Variants in ZNF454 observed in about 807,000 individuals in gnomAD.
ZNF454 encodes zinc finger protein 454.
Under a neutral mutation model 48.2 loss-of-function variants are expected in ZNF454, and 30 were observed. The observed-to-expected ratio is 0.62, with a 90% CI of 0.47 to 0.84. ZNF454 has a LOEUF of 0.84. ZNF454 is among the 40% of genes least tolerant of loss of function. ZNF454 has a pLI of 0.00. For synonymous variants in ZNF454, 204 were observed against 211.4 expected, an observed-to-expected ratio of 0.97 and a Z score of 0.30; for missense variants, 510 against 623.1, an observed-to-expected ratio of 0.82 and a Z score of 1.93.
At chr5:178,984,542 G>A in the ZNF454 span, among the ~76,000 whole-genome samples, 1 of 152,152 alleles carries the variant, frequency 6.6e-6, no homozygotes, top group African/African-American at 2.4e-5. Context: ...AGTGTGGGGC[G>A]GGCAGTGGCT....
chr5:178,985,916 C>T, the ZNF454 span: 10 of 590,498 alleles, frequency 1.7e-5, no homozygotes, highest in African/African-American at 3.7e-5. Flanking sequence ...CACGCACCAC[C>T]ATGCCTGGCT....
At chr5:178,949,913 CCT>C (rs1759487848) in intron 4 of ZNF454, among the ~76,000 whole-genome samples, 1 of 152,124 alleles carries the variant, frequency 6.6e-6, no homozygotes, top group South Asian at 2.1e-4. Flanking sequence ...CCACGCCCGG[CCT>C]CTGTTTCATT....
At chr5:178,972,415 T>G in the ZNF454 span, among the ~76,000 whole-genome samples, 1 of 152,104 alleles carries the variant, frequency 6.6e-6, no homozygotes, top group African/African-American at 2.4e-5. Context: ...CATGAGCCCC[T>G]AGAAGCATTC....
intron 4 of ZNF454, among the ~76,000 whole-genome samples, chr5:178,959,486 T>A (rs1290709025): frequency 6.6e-6 from 1 of 152,218 alleles, no homozygotes; most frequent in African/African-American, 2.4e-5. Flanking sequence ...AATTTTAGAA[T>A]TGGCTATTCA....
the ZNF454 span, chr5:178,982,743 A>T: frequency 1.6e-6 from 1 of 626,510 alleles, no homozygotes; most frequent in Non-Finnish European, 2.9e-6. Context: ...AGGGGTTAGA[A>T]GCTTGGAAAA....
chr5:178,970,804 G>A (rs1318873423), downstream of ZNF454, among the ~76,000 whole-genome samples: 1 of 152,186 alleles, frequency 6.6e-6, no homozygotes, highest in African/African-American at 2.4e-5. Flanking sequence ...CAGTTTCTAA[G>A]ATGTACAAGT....
At chr5:178,975,234 T>C in the ZNF454 span, among the ~76,000 whole-genome samples, 1 of 152,086 alleles carries the variant, frequency 6.6e-6, no homozygotes, top group African/African-American at 2.4e-5. Context: ...TGAGCTCAGA[T>C]CACGCCACTG....
At position 178,941,875 on chromosome 5, in the gene ZNF454, G is replaced by C. The variant is rs1394151209; in HGVS notation, c.-108+431G>C. 6.6e-6 allele frequency among the ~76,000 whole-genome samples: 1 copy of C among 152,202 alleles called. No homozygotes were observed. Among genetic ancestry groups the C allele is most frequent in the South Asian group, 2.1e-4 (1 of 4,828 alleles). On this transcript the variant is annotated intron_variant, in intron 1 of 4. Coordinates refer to ENST00000519564, the MANE Select transcript of ZNF454 (RefSeq NM_001178089.3). The surrounding 1 kb of genome is among the most constrained non-coding windows in gnomAD (Gnocchi z 5.5). ...AGGCCAGAGAAGGGTTTGCCTGAGAGGCTTCGACAGTGAAGAGCCTTCTTA... is the reference window on the plus strand; with the variant it reads ...AGGCCAGAGAAGGGTTTGCCTGAGACGCTTCGACAGTGAAGAGCCTTCTTA...
At chr5:178,986,139 G>A in the ZNF454 span, 2 of 1,613,624 alleles carry the variant, frequency 1.2e-6, no homozygotes, top group Non-Finnish European at 1.7e-6. Flanking sequence ...CCTGCAGGGA[G>A]GTGAGGCTGA....
the ZNF454 span, chr5:178,976,190 A>G: frequency 9.6e-6 from 4 of 416,690 alleles, no homozygotes; most frequent in African/African-American, 8.2e-5. Context: ...GGATTGCCCT[A>G]TTCAAAATTG....
chr5:178,943,986 CA>C (rs1362150706), intron 2 of ZNF454, among the ~76,000 whole-genome samples: 2 of 152,136 alleles, frequency 1.3e-5, no homozygotes, highest in African/African-American at 4.8e-5. Context: ...AAGATTGTGC[CA>C]GTGCACTCCA....
the ZNF454 span, chr5:178,985,531 G>A: frequency 1.5e-3 from 500 of 338,026 alleles, 4 homozygotes; most frequent in Non-Finnish European, 1.1e-3. Context: ...GTGAAGCCCT[G>A]TCTCTACTAA....
the ZNF454 span, chr5:178,981,899 C>T: frequency 8.6e-7 from 1 of 1,160,750 alleles, no homozygotes; most frequent in Non-Finnish European, 1.3e-6. This position sits in a 1 kb window ranked among gnomAD's most constrained non-coding sequence, Gnocchi z 5.1. Context: ...GCCCTGCTCT[C>T]CCTGCCCCGC....
the ZNF454 span, among the ~76,000 whole-genome samples, chr5:178,972,753 TG>T: frequency 6.6e-6 from 1 of 151,620 alleles, no homozygotes; most frequent in Non-Finnish European, 1.5e-5. Flanking sequence ...CTGAGCCACG[TG>T]GGGGTGAGAG....
the ZNF454 span, chr5:178,990,000 A>C: frequency 1.0e-5 from 2 of 199,192 alleles, no homozygotes. Flanking sequence ...CCCAGATGCA[A>C]CGTAGCTGAA....
chr5:178,981,173 C>T, the ZNF454 span: 1 of 177,772 alleles, frequency 5.6e-6, no homozygotes, highest in Admixed American at 5.5e-5. The surrounding 1 kb of genome is among the most constrained non-coding windows in gnomAD (Gnocchi z 5.1). Flanking sequence ...CTGAGTGCCT[C>T]CATCCAGATG....
chr5:178,946,258 C>G lies in ZNF454; in HGVS notation c.34-101C>G. 6.6e-7 allele frequency: 1 copy of G among 1,520,262 alleles called. No homozygotes were observed. The highest frequency in any genetic ancestry group is 8.9e-7 in the Non-Finnish European group (1 of 1,123,306). The allele number at this position is 1,520,262 out of a possible 1,614,324, so 94.2% of individuals were successfully genotyped here. A position where few individuals can be genotyped will look rare whatever the true frequency, so the allele number is the denominator to read the frequency against. ...CGCCAGCTCCCTGTGTGCCAGCAGTCCTGTAAATGCGCACAAGCTCCTAGG... is the reference window on the plus strand; with the variant it reads ...CGCCAGCTCCCTGTGTGCCAGCAGTGCTGTAAATGCGCACAAGCTCCTAGG... On this transcript the variant is annotated intron_variant, in intron 2 of 4. Coordinates refer to ENST00000519564, the MANE Select transcript of ZNF454 (RefSeq NM_001178089.3). This position sits in a 1 kb window ranked among gnomAD's most constrained non-coding sequence, Gnocchi z 4.5.
chr5:178,973,711 C>G, the ZNF454 span, among the ~76,000 whole-genome samples: 4 of 151,978 alleles, frequency 2.6e-5, no homozygotes, highest in Non-Finnish European at 5.9e-5. Flanking sequence ...GGTGTGGTGG[C>G]GGGCGCCTGT....
At chr5:178,986,474 C>T in the ZNF454 span, 36 of 1,612,048 alleles carry the variant, frequency 2.2e-5, no homozygotes, top group African/African-American at 2.7e-5. Context: ...ATGCCCAGCA[C>T]GGCCAGGAGG....
Sources: allele counts gnomAD v4.1 joint callset (sites outside exome capture counted in the v4.1 genomes callset), GRCh38; gene constraint gnomAD v4.1.1; non-coding constraint Gnocchi (gnomAD v3.1); transcripts MANE v1.5; gene names NCBI Gene and HGNC (gene_info 2026-07-23, HGNC 2026-07-21).